RALGAPA2: variants seen among roughly 807,000 people sequenced by gnomAD.
The protein encoded by RALGAPA2 is ral GTPase-activating protein subunit alpha-2.
In RALGAPA2, 139 loss-of-function variants were observed where a neutral mutation model predicts 230.4. The observed-to-expected ratio is 0.60, with a 90% CI of 0.53 to 0.69. The LOEUF is 0.69. RALGAPA2 is among the 30% of genes least tolerant of loss of function. The probability of loss-of-function intolerance (pLI) is 0.00; values close to 1 mark genes in which losing one functional copy is unlikely to be tolerated. For synonymous variants in RALGAPA2, 847 were observed against 837.8 expected, an observed-to-expected ratio of 1.01 and a Z score of -0.19; for missense variants, 2,163 against 2,276.0, an observed-to-expected ratio of 0.95 and a Z score of 1.01.
intron 1 of RALGAPA2, among the ~76,000 whole-genome samples, chr20:20,701,464 C>T (rs2069358151): frequency 6.6e-6 from 1 of 152,174 alleles, no homozygotes; most frequent in South Asian, 2.1e-4. Context: ...GTGGGCCGGG[C>T]GCGGTGGCTC....
At chr20:20,647,375 A>G (rs2067251775) in intron 4 of RALGAPA2, among the ~76,000 whole-genome samples, 1 of 152,220 alleles carries the variant, frequency 6.6e-6, no homozygotes, top group African/African-American at 2.4e-5. Flanking sequence ...CTGCTAGAAG[A>G]GGCCAGTGGA....
intron 38 of RALGAPA2, among the ~76,000 whole-genome samples, chr20:20,406,249 C>T (rs894730578): frequency 6.6e-6 from 1 of 152,086 alleles, no homozygotes; most frequent in African/African-American, 2.4e-5. Flanking sequence ...ACTCAAGCAT[C>T]GGTATCTTTA....
intron 20 of RALGAPA2, among the ~76,000 whole-genome samples, chr20:20,575,538 G>A (rs767428473): frequency 7.9e-5 from 12 of 151,792 alleles, no homozygotes; most frequent in Non-Finnish European, 1.5e-4. Flanking sequence ...GCCAGAACCC[G>A]CCTAATTTAC....
At chr20:20,603,437 C>G (rs940447433) in intron 15 of RALGAPA2, among the ~76,000 whole-genome samples, 1 of 152,194 alleles carries the variant, frequency 6.6e-6, no homozygotes, top group African/African-American at 2.4e-5. Flanking sequence ...TATCCACATC[C>G]TCTGTTGTTC....
intron 25 of RALGAPA2, 133 bp from the exon 26 acceptor site, chr20:20,535,936 G>C (rs1602690056): frequency 2.2e-6 from 3 of 1,353,460 alleles, no homozygotes; most frequent in Admixed American, 3.4e-5. Context: ...CTATGAGTGA[G>C]AGCCTGGGGG....
chr20:20,553,377 C>T (rs547158251), intron 23 of RALGAPA2, among the ~76,000 whole-genome samples: 25 of 152,080 alleles, frequency 1.6e-4, no homozygotes, highest in South Asian at 6.2e-4. Context: ...CATATCAAGA[C>T]GCTGCCTCTA....
At chr20:20,474,602 A>C (rs1454363613) in intron 36 of RALGAPA2, among the ~76,000 whole-genome samples, 1 of 152,192 alleles carries the variant, frequency 6.6e-6, no homozygotes, top group East Asian at 1.9e-4. Flanking sequence ...TTGAAGGTAG[A>C]GTTGTCAGGA....
At chr20:20,524,678 A>G in intron 29 of RALGAPA2, 135 bp from the exon 30 acceptor site, 2 of 1,317,322 alleles carry the variant, frequency 1.5e-6, no homozygotes, top group Non-Finnish European at 2.1e-6. Flanking sequence ...GTAAATAAAT[A>G]AATAAATAAG....
At chr20:20,597,953 C>A (rs2065511584) in intron 16 of RALGAPA2, among the ~76,000 whole-genome samples, 1 of 152,086 alleles carries the variant, frequency 6.6e-6, no homozygotes, top group South Asian at 2.1e-4. Flanking sequence ...TTCAGTTCAT[C>A]CTAGAATCAC....
intron 37 of RALGAPA2, among the ~76,000 whole-genome samples, chr20:20,450,187 A>G (rs1395042905): frequency 6.6e-6 from 1 of 152,204 alleles, no homozygotes; most frequent in African/African-American, 2.4e-5. Context: ...GTCCTCAACT[A>G]TTTCTCAAGG....
chr20:20,494,631 C>A (rs946972338), intron 36 of RALGAPA2, among the ~76,000 whole-genome samples: 2 of 152,176 alleles, frequency 1.3e-5, no homozygotes, highest in African/African-American at 4.8e-5. Flanking sequence ...AGAGTCCCGG[C>A]CTCTTCGTGG....
At chr20:20,501,509 GGCCTTGCT>G (rs1298545410) in intron 35 of RALGAPA2, among the ~76,000 whole-genome samples, 1 of 152,284 alleles carries the variant, frequency 6.6e-6, no homozygotes, top group Admixed American at 6.5e-5. Context: ...AACAGTGTAG[GGCCTTGCT>G]CTGGATTAGG....
At chr20:20,685,120 C>T (rs1437134935) in intron 1 of RALGAPA2, among the ~76,000 whole-genome samples, 1 of 150,926 alleles carries the variant, frequency 6.6e-6, no homozygotes, top group Non-Finnish European at 1.5e-5. Flanking sequence ...GAAGGCTTTG[C>T]TCAATTAAAA....
intron 37 of RALGAPA2, among the ~76,000 whole-genome samples, chr20:20,413,570 C>G (rs1410724960): frequency 2.6e-5 from 4 of 152,156 alleles, no homozygotes; most frequent in Admixed American, 6.5e-5. Flanking sequence ...CCCCTCCCCC[C>G]ACCTTGCTAT....
intron 4 of RALGAPA2, among the ~76,000 whole-genome samples, chr20:20,650,724 T>A (rs2067369565): frequency 6.6e-6 from 1 of 152,192 alleles, no homozygotes; most frequent in African/African-American, 2.4e-5. Context: ...TAAAGCATAT[T>A]CCTTTCCTTT....
Position 20,601,819 on chromosome 20 carries a change from GT to G in RALGAPA2, c.2065del (p.Thr689ProfsTer17). 1 of 1,609,530 alleles carries G rather than the reference GT, an allele frequency of 6.2e-7. No individual in the cohort carries two copies. Among genetic ancestry groups the G allele is most frequent in the Non-Finnish European group, 8.5e-7 (1 of 1,178,254 alleles). ...KGCVLDPQKGTTVGRSFSLSW... is the reference protein window; with the variant it reads ...KGCVLDPQKGXTVGRSFSLSW... Reference sequence around the variant, plus strand: ...GAGAGAAAAGGACCTCCCCACGGTGGTTCCTTTCTGAGGATCTAGAACACAG... The same window carrying G: ...GAGAGAAAAGGACCTCCCCACGGTGGTCCTTTCTGAGGATCTAGAACACAG... On this transcript the variant is annotated frameshift_variant, in exon 16 of 40. Coordinates refer to ENST00000202677, the MANE Select transcript of RALGAPA2 (RefSeq NM_020343.4). LOFTEE classifies it high-confidence loss of function.
At chr20:20,609,140 G>C (rs947822363) in intron 14 of RALGAPA2, among the ~76,000 whole-genome samples, 1 of 152,104 alleles carries the variant, frequency 6.6e-6, no homozygotes, top group African/African-American at 2.4e-5. Flanking sequence ...AACTTCAGGT[G>C]CATGCCACTA....
At chr20:20,428,452 A>C (rs2060432864) in intron 37 of RALGAPA2, among the ~76,000 whole-genome samples, 1 of 152,224 alleles carries the variant, frequency 6.6e-6, no homozygotes, top group Non-Finnish European at 1.5e-5. Flanking sequence ...GATAGATCAA[A>C]AGCAGCTCCA....
chr20:20,453,029 T>TC (rs2061025312), intron 37 of RALGAPA2, among the ~76,000 whole-genome samples: 1 of 152,208 alleles, frequency 6.6e-6, no homozygotes, highest in Non-Finnish European at 1.5e-5. Context: ...GGGCTTCTGT[T>TC]CCCTCAACTA....
Sources: gnomAD v4.1 joint callset for allele counts (sites outside exome capture counted in the v4.1 genomes callset) on GRCh38, gnomAD v4.1.1 for gene constraint, MANE v1.5 for transcripts, NCBI Gene and HGNC (gene_info 2026-07-23, HGNC 2026-07-21) for gene names.